Variants in CNIH3 observed in about 807,000 individuals in gnomAD.
CNIH3 encodes the protein protein cornichon homolog 3.
A neutral mutation model predicts 24.1 loss-of-function variants in CNIH3; 14 were observed. That is an observed-to-expected ratio of 0.58 (90% CI 0.38 to 0.91). The LOEUF is 0.91. CNIH3 is among the 40% of genes least tolerant of loss of function. The probability of loss-of-function intolerance (pLI) is 0.00; values close to 1 mark genes in which losing one functional copy is unlikely to be tolerated. For missense variants in CNIH3, 178 were observed against 196.8 expected (o/e 0.90, Z 0.57); for synonymous variants, 68 against 73.8 (o/e 0.92, Z 0.40).
chr1:224,448,244 AC>A (rs1675245101), intron 1 of CNIH3, among the ~76,000 whole-genome samples: 1 of 135,478 alleles, frequency 7.4e-6, no homozygotes. Context: ...CTCCCAAAAA[AC>A]ACACAAAAAA....
chr1:224,640,166 G>A (rs187260160), intron 1 of CNIH3, among the ~76,000 whole-genome samples: 11 of 152,306 alleles, frequency 7.2e-5, no homozygotes, highest in African/African-American at 2.4e-4. Flanking sequence ...TTCCAGTTCA[G>A]TAACACCTTT....
At chr1:224,519,931 G>A (rs991705952) in intron 1 of CNIH3, among the ~76,000 whole-genome samples, 1 of 152,106 alleles carries the variant, frequency 6.6e-6, no homozygotes, top group Non-Finnish European at 1.5e-5. Flanking sequence ...TGTGGATAGT[G>A]ACTACTCTGT....
chr1:224,466,797 T>G (rs986402934), intron 1 of CNIH3, among the ~76,000 whole-genome samples: 7 of 152,228 alleles, frequency 4.6e-5, no homozygotes, highest in Non-Finnish European at 8.8e-5. Context: ...CTGTTAGGCA[T>G]GTAGTGATAA....
At chr1:224,563,800 A>G (rs937429831) in intron 3 of CNIH3, among the ~76,000 whole-genome samples, 3 of 152,156 alleles carry the variant, frequency 2.0e-5, no homozygotes, top group African/African-American at 7.2e-5. Context: ...CTAATTTTAT[A>G]CTGTTGGGCA....
chr1:224,610,477 C>T (rs1212621627), intron 3 of CNIH3, among the ~76,000 whole-genome samples: 4 of 152,300 alleles, frequency 2.6e-5, no homozygotes, highest in Admixed American at 6.5e-5. Flanking sequence ...CTCTCTTTCT[C>T]TCTCCTGCTG....
downstream of CNIH3, among the ~76,000 whole-genome samples, chr1:224,591,901 A>G (rs1415444865): frequency 6.6e-6 from 1 of 152,266 alleles, no homozygotes; most frequent in Non-Finnish European, 1.5e-5. Flanking sequence ...ATTAAAAAAG[A>G]GTGCAAGGCA....
At chr1:224,449,915 C>A (rs578074641) in intron 1 of CNIH3, among the ~76,000 whole-genome samples, 9 of 152,086 alleles carry the variant, frequency 5.9e-5, no homozygotes, top group Non-Finnish European at 1.2e-4. Context: ...TGGATATTTG[C>A]TGAATGGATT....
intron 3 of CNIH3, among the ~76,000 whole-genome samples, chr1:224,555,852 A>G (rs1203671737): frequency 6.6e-6 from 1 of 152,156 alleles, no homozygotes; most frequent in Non-Finnish European, 1.5e-5. Context: ...GTGGGACCTA[A>G]TGAATGAAAT....
chr1:224,668,445 G>T (rs1685701409), intron 1 of CNIH3, among the ~76,000 whole-genome samples: 1 of 152,302 alleles, frequency 6.6e-6, no homozygotes, highest in Non-Finnish European at 1.5e-5. Context: ...GCTTTTTGTT[G>T]TATCTCCAGC....
At chr1:224,564,663 A>G (rs1457511859) in intron 3 of CNIH3, among the ~76,000 whole-genome samples, 1 of 152,250 alleles carries the variant, frequency 6.6e-6, no homozygotes, top group Admixed American at 6.5e-5. Flanking sequence ...TCTGGGGTTT[A>G]CATGCTTTGG....
chr1:224,603,847 T>A (rs919345458), intron 3 of CNIH3, among the ~76,000 whole-genome samples: 1 of 152,200 alleles, frequency 6.6e-6, no homozygotes, highest in Non-Finnish European at 1.5e-5. Context: ...ATCAGAAGAT[T>A]GAGGTGTATG....
At chr1:224,493,370 C>T (rs527379659) in intron 1 of CNIH3, among the ~76,000 whole-genome samples, 16 of 152,112 alleles carry the variant, frequency 1.1e-4, no homozygotes, top group South Asian at 2.1e-4. Flanking sequence ...CTACCTGGGG[C>T]GCTGAACGTT....
intron 1 of CNIH3, among the ~76,000 whole-genome samples, chr1:224,674,504 G>T (rs551940182): frequency 7.2e-5 from 11 of 152,188 alleles, no homozygotes; most frequent in African/African-American, 2.6e-4. Context: ...ATGGAATCCA[G>T]GCAGTCTAGA....
intron 1 of CNIH3, among the ~76,000 whole-genome samples, chr1:224,638,501 C>T (rs1381632495): frequency 1.3e-5 from 2 of 152,200 alleles, no homozygotes; most frequent in African/African-American, 4.8e-5. Context: ...GGCTCTAGAA[C>T]TCTCCTCTGG....
intron 1 of CNIH3, among the ~76,000 whole-genome samples, chr1:224,632,880 A>G (rs1683895324): frequency 6.6e-6 from 1 of 152,154 alleles, no homozygotes; most frequent in Admixed American, 6.5e-5. Context: ...GTCATGCCCT[A>G]GAAAGGGGCT....
chr1:224,470,620 C>T (rs1232937462), intron 1 of CNIH3, among the ~76,000 whole-genome samples: 1 of 152,120 alleles, frequency 6.6e-6, no homozygotes, highest in Non-Finnish European at 1.5e-5. Flanking sequence ...ACACCCAGCC[C>T]TCTTTCAGTT....
At chr1:224,585,057 C>A (rs182994119) in intron 5 of CNIH3, among the ~76,000 whole-genome samples, 32 of 152,302 alleles carry the variant, frequency 2.1e-4, no homozygotes, top group Non-Finnish European at 2.8e-4. Context: ...CTCTCCATTT[C>A]CCTCGCATTG....
At chr1:224,706,745 T>C (rs2125188709) in intron 3 of CNIH3, among the ~76,000 whole-genome samples, 1 of 152,262 alleles carries the variant, frequency 6.6e-6, no homozygotes, top group East Asian at 1.9e-4. Flanking sequence ...CACAAAGTGG[T>C]AGAGTTAGTC....
At chr1:224,566,110 G>T (rs777856628) in intron 3 of CNIH3, 31 of 151,718 alleles carry the variant, frequency 2.0e-4, no homozygotes, top group Non-Finnish European at 3.8e-4. Flanking sequence ...AATAGAATTT[G>T]ATTATCTCTA....
Sources: allele counts gnomAD v4.1 joint callset (sites outside exome capture counted in the v4.1 genomes callset), GRCh38; gene constraint gnomAD v4.1.1; transcripts MANE v1.5; gene names NCBI Gene and HGNC (gene_info 2026-07-23, HGNC 2026-07-21).